The following ATRX variants were observed in gnomAD, a reference collection of about 807,000 sequenced individuals.
The protein encoded by ATRX is chromatin remodeler ATRX.
In ATRX, 12 loss-of-function variants were observed where a neutral mutation model predicts 172.6. The observed-to-expected ratio is 0.07, with a 90% CI of 0.04 to 0.11. The LOEUF (loss-of-function observed/expected upper bound fraction) is 0.11, where lower values mean the gene tolerates loss of function less well. ATRX is among the 10% of genes least tolerant of loss of function. ATRX has a pLI of 1.00. For synonymous variants in ATRX, 674 were observed against 594.7 expected (o/e 1.13, Z -1.94); for missense variants, 1,368 against 1,767.4 (o/e 0.77, Z 4.05).
chrX:77,598,462 ATAAT>A (rs1557085163), intron 25 of ATRX, among the ~76,000 whole-genome samples: 2 of 111,742 alleles, frequency 1.8e-5, no homozygotes, highest in African/African-American at 6.5e-5. Context: ...TAAAATTAAA[ATAAT>A]TAATCACCAA....
At chrX:77,536,331 T>C (rs1037616548) in intron 30 of ATRX, among the ~76,000 whole-genome samples, 15 of 111,957 alleles carry the variant, frequency 1.3e-4, no homozygotes, top group African/African-American at 4.5e-4. Context: ...TCTCTTGCAA[T>C]TTATATTCCT....
chrX:77,754,751 C>G (rs1442152141), intron 1 of ATRX, among the ~76,000 whole-genome samples: 1 of 111,817 alleles, frequency 8.9e-6, no homozygotes, highest in African/African-American at 3.2e-5. Flanking sequence ...ACCTTTCTCT[C>G]TGGCTGCCCT....
chrX:77,614,827 TCTAA>T (rs1557095847), intron 22 of ATRX, among the ~76,000 whole-genome samples: 1 of 111,875 alleles, frequency 8.9e-6, no homozygotes, highest in African/African-American at 3.2e-5. Context: ...ATTCCTTCTA[TCTAA>T]CTATGTGTCT....
At chrX:77,535,899 G>GT (rs76403382) in intron 30 of ATRX, among the ~76,000 whole-genome samples, 2,923 of 95,631 alleles carry the variant, frequency 0.031, 79 homozygotes, top group African/African-American at 0.084. Context: ...ATTTTTTTGT[G>GT]TTTTTTTTTT....
At chrX:77,615,878 T>C in intron 22 of ATRX, 1 of 674,152 alleles carries the variant, frequency 1.5e-6, no homozygotes, top group Non-Finnish European at 1.8e-6. Flanking sequence ...CTAACCTGTA[T>C]CTCCTAATTA....
chrX:77,756,302 C>CT (rs2075491090), intron 1 of ATRX, among the ~76,000 whole-genome samples: 2 of 110,851 alleles, frequency 1.8e-5, no homozygotes, highest in Non-Finnish European at 3.8e-5. Flanking sequence ...GTGGGACCCG[C>CT]TAAGCAAGAC....
At chrX:77,590,611 CAAA>C (rs782519159) in intron 26 of ATRX, among the ~76,000 whole-genome samples, 2 of 32,405 alleles carry the variant, frequency 6.2e-5, no homozygotes, top group Admixed American at 3.6e-4. Flanking sequence ...GACTCTGTCT[CAAA>C]AAAAAAAAAA....
intron 1 of ATRX, among the ~76,000 whole-genome samples, chrX:77,724,023 G>A (rs185315640): frequency 4.8e-4 from 54 of 111,520 alleles, no homozygotes; most frequent in Non-Finnish European, 6.8e-4. Context: ...GCTCACACCT[G>A]TAACCCCGGC....
intron 27 of ATRX, among the ~76,000 whole-genome samples, chrX:77,589,067 C>T (rs1305892756): frequency 1.8e-5 from 2 of 112,024 alleles, no homozygotes; most frequent in African/African-American, 3.2e-5. Context: ...TTGGTATTGC[C>T]GTTTGTTTAA....
At position 77,599,517 on chromosome X, in the gene ATRX, A is replaced by G; in HGVS notation, c.5850T>C (p.Asn1950=). Residue 1950 remains asparagine (N), a synonymous_variant, in exon 25 of 35, where the codon AAT becomes AAC. Transcript: ENST00000373344. ...DSSSSGSGSD[N]DVEVIKVWNS... Reference sequence around the variant, plus strand: ...TCCAGACCTTAATCACTTCAACATCATTGTCACTGCCACTTCCACTTGAGC... The same window carrying G: ...TCCAGACCTTAATCACTTCAACATCGTTGTCACTGCCACTTCCACTTGAGC... 1 of 1,210,207 alleles carries G rather than the reference A, an allele frequency of 8.3e-7. No individual in the cohort carries two copies. The highest frequency in any genetic ancestry group is 3.0e-5 in the East Asian group (1 of 33,751).
At chrX:77,770,173 G>A (rs1157219444) in intron 1 of ATRX, among the ~76,000 whole-genome samples, 1 of 109,105 alleles carries the variant, frequency 9.2e-6, no homozygotes, top group African/African-American at 3.3e-5. Flanking sequence ...CACAATCTCG[G>A]CTCACTGCAA....
chrX:77,558,255 TAAAAG>T (rs1284750733), intron 29 of ATRX, among the ~76,000 whole-genome samples: 2 of 109,242 alleles, frequency 1.8e-5, no homozygotes, highest in Non-Finnish European at 3.8e-5. Context: ...AAGAAAAAAA[TAAAAG>T]AAAATTGAAT....
At chrX:77,583,894 C>A (rs1557075429) in intron 27 of ATRX, among the ~76,000 whole-genome samples, 1 of 111,800 alleles carries the variant, frequency 8.9e-6, no homozygotes, top group East Asian at 2.8e-4. Flanking sequence ...TTGGAAAAAT[C>A]TGAAAACTCC....
chrX:77,564,677 G>A (rs782293063), intron 28 of ATRX, among the ~76,000 whole-genome samples: 1 of 110,416 alleles, frequency 9.1e-6, no homozygotes, highest in Non-Finnish European at 1.9e-5. Context: ...GAGCCACCGA[G>A]CCCAGCTGTT....
intron 15 of ATRX, among the ~76,000 whole-genome samples, chrX:77,637,403 C>T (rs1557108833): frequency 9.1e-6 from 1 of 110,459 alleles, no homozygotes; most frequent in African/African-American, 3.3e-5. Context: ...TCAGTAACTA[C>T]GCAAGATAGG....
chrX:77,589,981 A>G (rs1557079328), intron 26 of ATRX, 41 bp from the exon 27 acceptor site: 2 of 1,029,908 alleles, frequency 1.9e-6, no homozygotes, highest in Non-Finnish European at 1.4e-6. Flanking sequence ...GAAGATTCCT[A>G]GTAAAGATAT....
intron 1 of ATRX, among the ~76,000 whole-genome samples, chrX:77,749,316 A>G (rs2078233944): frequency 9.0e-6 from 1 of 111,309 alleles, no homozygotes; most frequent in African/African-American, 3.3e-5. Flanking sequence ...ATTATTCCAC[A>G]GTGTGTATGT....
intron 1 of ATRX, among the ~76,000 whole-genome samples, chrX:77,737,086 C>T (rs1038914900): frequency 4.6e-5 from 5 of 108,333 alleles, no homozygotes; most frequent in African/African-American, 1.0e-4. Flanking sequence ...GATGTGGTGA[C>T]GTTTAATGGG....
intron 22 of ATRX, among the ~76,000 whole-genome samples, chrX:77,608,368 C>CA (rs782356472): frequency 0.068 from 2,555 of 37,670 alleles, 75 homozygotes; most frequent in Middle Eastern, 0.1. Context: ...GACCCCGTCT[C>CA]AAAAAAAAAA....
Sources: allele counts gnomAD v4.1 joint callset (sites outside exome capture counted in the v4.1 genomes callset), GRCh38; gene constraint gnomAD v4.1.1; transcripts MANE v1.5; gene names NCBI Gene and HGNC (gene_info 2026-07-23, HGNC 2026-07-21).